Variants in APIP observed in about 807,000 individuals in gnomAD.
APIP encodes methylthioribulose-1-phosphate dehydratase.
Under a neutral mutation model 32.0 loss-of-function variants are expected in APIP, and 32 were observed. That is an observed-to-expected ratio of 1.00 (90% CI 0.76 to 1.34). The LOEUF (loss-of-function observed/expected upper bound fraction) is 1.34, where lower values mean the gene tolerates loss of function less well. APIP is among the 40% of genes most tolerant of loss of function. APIP has a pLI of 0.00. For synonymous variants in APIP, 92 were observed against 94.8 expected, an observed-to-expected ratio of 0.97 and a Z score of 0.17; for missense variants, 247 against 298.6, an observed-to-expected ratio of 0.83 and a Z score of 1.27.
chr11:34,899,314 G>C (rs939625816), intron 1 of APIP, among the ~76,000 whole-genome samples: 2 of 152,190 alleles, frequency 1.3e-5, no homozygotes, highest in Non-Finnish European at 2.9e-5. Flanking sequence ...CTGTGAACAG[G>C]AAAATTCTGC....
chr11:34,905,165 T>C (rs1853426688), intron 1 of APIP, among the ~76,000 whole-genome samples: 1 of 152,248 alleles, frequency 6.6e-6, no homozygotes. Context: ...ATTATCCTCA[T>C]AGCAGGAATA....
Position 34,901,927 on chromosome 11 carries a change from A to G in APIP, c.58-6817T>C, listed in dbSNP as rs1853377017. 2.6e-5 allele frequency among the ~76,000 whole-genome samples: 4 copies of G among 152,188 alleles called. No individual in the cohort carries two copies. The South Asian group carries it at 8.3e-4, about 32-fold the overall frequency. ...AGGAAAGGGCTAGAAGCCGTTATTAATAACCTAAAGATGCAGGGCCTCCTC... is the reference window on the plus strand; with the variant it reads ...AGGAAAGGGCTAGAAGCCGTTATTAGTAACCTAAAGATGCAGGGCCTCCTC... On this transcript the variant is annotated intron_variant, in intron 1 of 6. Coordinates refer to ENST00000395787, the MANE Select transcript of APIP (RefSeq NM_015957.4).
chr11:34,916,328 T>C lies in APIP; in HGVS notation c.-44A>G. On this transcript the variant is annotated 5_prime_UTR_variant, in exon 1 of 7. Coordinates refer to ENST00000395787, the MANE Select transcript of APIP (RefSeq NM_015957.4). The stretch of plus-strand genomic sequence containing the variant: ...GCGCGGCCTCCAATCTCCGCACGGC[T>C]TTGCGCGCGGCGCTTAGCCTGGGAT... 6.2e-7 allele frequency: 1 copy of C among 1,606,014 alleles called. No homozygotes were observed. The highest frequency in any genetic ancestry group is 1.1e-5 in the South Asian group (1 of 89,964).
chr11:34,900,025 C>T (rs1224643223), intron 1 of APIP, among the ~76,000 whole-genome samples: 1 of 152,226 alleles, frequency 6.6e-6, no homozygotes, highest in Non-Finnish European at 1.5e-5. Flanking sequence ...GTCTATTGCA[C>T]AAGGGCATGG....
intron 2 of APIP, among the ~76,000 whole-genome samples, chr11:34,893,257 T>C (rs904796278): frequency 1.2e-4 from 18 of 152,200 alleles, no homozygotes; most frequent in Non-Finnish European, 2.6e-4. Context: ...TCTTGAGTCC[T>C]GCATTCACCT....
intron 1 of APIP, among the ~76,000 whole-genome samples, chr11:34,909,262 C>A (rs1853504969): frequency 6.6e-6 from 1 of 152,064 alleles, no homozygotes; most frequent in Non-Finnish European, 1.5e-5. Flanking sequence ...ATGTGCTGAA[C>A]ACTCTTCTAG....
chr11:34,895,181 A>G, intron 1 of APIP, 71 bp from the exon 2 acceptor site: 1 of 1,319,168 alleles, frequency 7.6e-7, no homozygotes, highest in South Asian at 1.2e-5. Flanking sequence ...TGGTGTTTCT[A>G]ATAAGAAGCC....
intron 2 of APIP, 90 bp from the exon 3 acceptor site, chr11:34,890,642 T>A: frequency 7.2e-7 from 1 of 1,382,712 alleles, no homozygotes; most frequent in Non-Finnish European, 1.0e-6. Flanking sequence ...ATGTTCTTTA[T>A]AAATCAAGCA....
In APIP at chr11:34,883,393, C is replaced by A; in HGVS notation, c.573G>T (p.Leu191=). ...ACACATATACTCCATGACGTCTGACCAGTACTGCACAGGAGTCTGGGTATT... is the reference window on the plus strand; with the variant it reads ...ACACATATACTCCATGACGTCTGACAAGTACTGCACAGGAGTCTGGGTATT... The part of the protein sequence containing the change: ...MNEYPDSCAV[L]VRRHGVYVWG... Residue 191 remains leucine, a synonymous_variant, in exon 6 of 7, where the codon CTG becomes CTT. Transcript: ENST00000395787. 1 of 1,613,890 alleles carries A rather than the reference C, an allele frequency of 6.2e-7. No homozygotes were observed. Among genetic ancestry groups the A allele is most frequent in the Non-Finnish European group, 8.5e-7 (1 of 1,179,918 alleles).
rs1328212177 is a variant in APIP at position 34,914,568 on chromosome 11, G to C, written c.57+1660C>G. Reference sequence around the variant, plus strand: ...ATATGCAAATCCAGTGTGAGTAGTGGAAGCTGTGGTAACCTGGCCAGCACC... The same window carrying C: ...ATATGCAAATCCAGTGTGAGTAGTGCAAGCTGTGGTAACCTGGCCAGCACC... On this transcript the variant is annotated intron_variant, in intron 1 of 6. Coordinates refer to ENST00000395787, the MANE Select transcript of APIP (RefSeq NM_015957.4). Among the ~76,000 whole-genome samples, 3 of 152,170 alleles carry C rather than the reference G, an allele frequency of 2.0e-5. No individual in the cohort carries two copies. The East Asian group carries it at 5.8e-4, about 29-fold the overall frequency.
chr11:34,909,538 C>CGT (rs1184982118), intron 1 of APIP, among the ~76,000 whole-genome samples: 3 of 151,996 alleles, frequency 2.0e-5, no homozygotes, highest in African/African-American at 7.2e-5. Context: ...TGAATGAGTA[C>CGT]GTGTGTGTGT....
At chr11:34,886,789 A>G (rs185443902) in intron 5 of APIP, among the ~76,000 whole-genome samples, 2 of 152,320 alleles carry the variant, frequency 1.3e-5, no homozygotes, top group Admixed American at 6.5e-5. Context: ...CCTGCTATGC[A>G]GGCTTGTAGC....
chr11:34,894,525 T>G (rs1453069657), intron 2 of APIP, among the ~76,000 whole-genome samples: 5 of 149,070 alleles, frequency 3.4e-5, no homozygotes, highest in East Asian at 4.0e-4. Context: ...CGCACATGCC[T>G]GTAGTCCCAG....
intron 1 of APIP, among the ~76,000 whole-genome samples, chr11:34,906,788 C>T (rs779574983): frequency 2.6e-5 from 4 of 152,146 alleles, no homozygotes; most frequent in Non-Finnish European, 5.9e-5. Context: ...AGGCTTCAGC[C>T]CCGGGTGGCT....
intron 2 of APIP, among the ~76,000 whole-genome samples, chr11:34,893,365 C>T (rs1050457196): frequency 6.6e-6 from 1 of 152,048 alleles, no homozygotes; most frequent in Non-Finnish European, 1.5e-5. Context: ...CAAACTATTT[C>T]TGAACATGCA....
chr11:34,895,158 T>G (rs1462525345), intron 1 of APIP, 48 bp from the exon 2 acceptor site: 6 of 1,516,078 alleles, frequency 4.0e-6, no homozygotes, highest in Non-Finnish European at 5.5e-6. Context: ...TTTTATCAAG[T>G]AACTATTCCA....
rs138747642 is a variant in APIP at position 34,890,331 on chromosome 11, T to A, written c.207+173A>T. On this transcript the variant is annotated intron_variant, in intron 3 of 6. Coordinates refer to ENST00000395787, the MANE Select transcript of APIP (RefSeq NM_015957.4). ...GATTTCAAAACATACACCGGTTGTA[T>A]GGAAGATATCTACCACCTTACAAAA... is the stretch of plus-strand genomic sequence containing the variant. Among the ~76,000 whole-genome samples the A allele has an allele frequency of 2.6e-5, 4 of 152,292 alleles. No individual in the cohort carries two copies. In the East Asian group the frequency reaches 7.7e-4, roughly 29 times the overall value.
chr11:34,887,259 T>G (rs1048902383), intron 5 of APIP, among the ~76,000 whole-genome samples: 9 of 152,324 alleles, frequency 5.9e-5, no homozygotes, highest in African/African-American at 2.2e-4. Context: ...TCAGAAAAAC[T>G]GATTCTTCTG....
intron 1 of APIP, among the ~76,000 whole-genome samples, chr11:34,897,251 G>A (rs2133913192): frequency 6.6e-6 from 1 of 152,310 alleles, no homozygotes; most frequent in East Asian, 1.9e-4. Flanking sequence ...TAAAAGTTCT[G>A]ATTCAACTTA....
Sources: allele counts gnomAD v4.1 joint callset (sites outside exome capture counted in the v4.1 genomes callset), GRCh38; gene constraint gnomAD v4.1.1; transcripts MANE v1.5; gene names NCBI Gene and HGNC (gene_info 2026-07-23, HGNC 2026-07-21).